The following AGPAT4 variants were observed in gnomAD, a reference collection of about 807,000 sequenced individuals.
AGPAT4 encodes the protein 1-acyl-sn-glycerol-3-phosphate acyltransferase delta.
A neutral mutation model predicts 48.0 loss-of-function variants in AGPAT4; 15 were observed. The ratio of observed to expected loss-of-function variants is 0.31; its 90% confidence interval spans 0.21 to 0.48. AGPAT4 has a LOEUF of 0.48. AGPAT4 is among the 20% of genes least tolerant of loss of function. The probability of loss-of-function intolerance (pLI) is 0.99; values close to 1 mark genes in which losing one functional copy is unlikely to be tolerated. For missense variants in AGPAT4, 314 were observed against 482.5 expected (o/e 0.65, Z 3.27); for synonymous variants, 178 against 198.7 (o/e 0.90, Z 0.88).
At chr6:161,265,298 C>T (rs1255341024) in intron 1 of AGPAT4, among the ~76,000 whole-genome samples, 39 of 57,658 alleles carry the variant, frequency 6.8e-4, no homozygotes, top group African/African-American at 3.3e-3. Flanking sequence ...TAGTACCCAC[C>T]GCTGGACTGG....
At position 161,259,546 on chromosome 6, in the gene AGPAT4, C is replaced by T. The variant is rs1783041554; in HGVS notation, c.-90+14392G>A. Among the ~76,000 whole-genome samples, 1 of 151,724 alleles carries T rather than the reference C, an allele frequency of 6.6e-6. No homozygotes were observed. Among genetic ancestry groups the T allele is most frequent in the Non-Finnish European group, 1.5e-5 (1 of 67,920 alleles). On this transcript the variant is annotated intron_variant, in intron 1 of 8. Coordinates refer to ENST00000320285, the MANE Select transcript of AGPAT4 (RefSeq NM_020133.3). The surrounding 1 kb of genome is among the most constrained non-coding windows in gnomAD (Gnocchi z 4.9). ...ACCAGCACGTGTGAAAACTCACTAA[C>T]TCTATACTCAATGCAGGAAAGGCTA...
At chr6:161,237,871 G>C (rs879439618) in intron 1 of AGPAT4, among the ~76,000 whole-genome samples, 1 of 152,092 alleles carries the variant, frequency 6.6e-6, no homozygotes, top group African/African-American at 2.4e-5. Flanking sequence ...CCACAAAAGT[G>C]AGATGCCTGC....
At chr6:161,179,535 G>T (rs576131989) in intron 2 of AGPAT4, among the ~76,000 whole-genome samples, 29 of 152,292 alleles carry the variant, frequency 1.9e-4, no homozygotes, top group Non-Finnish European at 3.7e-4. Context: ...CCCTGCACCA[G>T]CCAGTACATT....
Position 161,155,492 on chromosome 6 carries a change from T to C in AGPAT4, c.349-1182A>G, listed in dbSNP as rs774791696. Among the ~76,000 whole-genome samples, 11 of 152,140 alleles carry C rather than the reference T, an allele frequency of 7.2e-5. No homozygotes were observed. On this transcript the variant is annotated intron_variant, in intron 3 of 8. Coordinates refer to ENST00000320285, the MANE Select transcript of AGPAT4 (RefSeq NM_020133.3). This position sits in a 1 kb window ranked among gnomAD's most constrained non-coding sequence, Gnocchi z 5.8. The stretch of plus-strand genomic sequence containing the variant: ...CAGCTCCAGCTCAGCACAGGGTCAG[T>C]AAGCCGTGTCCCCCAACCTACTGGC...
chr6:161,137,602 A>G lies in AGPAT4; in HGVS notation c.1043-968T>C, dbSNP rs997396408. Among the ~76,000 whole-genome samples the G allele has an allele frequency of 1.2e-4, 19 of 152,212 alleles. No individual in the cohort carries two copies. The highest frequency in any genetic ancestry group is 2.2e-4 in the Non-Finnish European group (15 of 68,030). On this transcript the variant is annotated intron_variant, in intron 8 of 8. Transcript: ENST00000320285. This position sits in a 1 kb window ranked among gnomAD's most constrained non-coding sequence, Gnocchi z 6.1. ...AGTGGAGTTATTGTAGAGCAGAAAG[A>G]AGTGAGTAAAACGTGGACCGTGTGG...
Position 161,202,022 on chromosome 6 carries a change from C to G in AGPAT4, c.178+30014G>C, listed in dbSNP as rs1404228105. Among the ~76,000 whole-genome samples the G allele has an allele frequency of 6.6e-6, 1 of 152,222 alleles. No individual in the cohort carries two copies. The highest frequency in any genetic ancestry group is 1.9e-4 in the East Asian group (1 of 5,202). ...CATAAGTGTTCCTCCTCCAGGAAGT[C>G]TACCTGACCCGGGAACCTGGACAAG... is the stretch of plus-strand genomic sequence containing the variant. On this transcript the variant is annotated intron_variant, in intron 2 of 8. Coordinates refer to ENST00000320285, the MANE Select transcript of AGPAT4 (RefSeq NM_020133.3). The surrounding 1 kb of genome is among the most constrained non-coding windows in gnomAD (Gnocchi z 5.4).
rs1251444959 is a variant in AGPAT4 at position 161,272,729 on chromosome 6, C to CACACACACA, written c.-90+1208_-90+1209insTGTGTGTGT. On this transcript the variant is annotated intron_variant, in intron 1 of 8. Transcript: ENST00000320285. This position sits in a 1 kb window ranked among gnomAD's most constrained non-coding sequence, Gnocchi z 4.2. Reference sequence around the variant, plus strand: ...AAACACACACACACACACACACACACACAAACACACACATTCTCCCTTCTC... The same window carrying CACACACACA: ...AAACACACACACACACACACACACACACACACACAACAAACACACACATTCTCCCTTCTC... Among the ~76,000 whole-genome samples, 793 of 152,046 alleles carry CACACACACA rather than the reference C, an allele frequency of 5.2e-3. 9 individuals are homozygous for CACACACACA. The highest frequency in any genetic ancestry group is 0.019 in the African/African-American group (773 of 41,426).
Position 161,229,070 on chromosome 6 carries a change from T to C in AGPAT4, c.178+2966A>G, listed in dbSNP as rs148951765. 1.6e-4 allele frequency among the ~76,000 whole-genome samples: 24 copies of C among 152,074 alleles called. No homozygotes were observed. The East Asian group carries it at 4.5e-3, about 28-fold the overall frequency. ...TTTTGTATCAGCATGGCCTTTTGCATGAGAGCTTTACCACGCCAGGGCTGG... is the reference window on the plus strand; with the variant it reads ...TTTTGTATCAGCATGGCCTTTTGCACGAGAGCTTTACCACGCCAGGGCTGG... On this transcript the variant is annotated intron_variant, in intron 2 of 8. Coordinates refer to ENST00000320285, the MANE Select transcript of AGPAT4 (RefSeq NM_020133.3). The surrounding 1 kb of genome is among the most constrained non-coding windows in gnomAD (Gnocchi z 6.0).
In AGPAT4 at chr6:161,147,131, G is replaced by T. The variant is rs1458449808; in HGVS notation, c.768-532C>A. On this transcript the variant is annotated intron_variant, in intron 6 of 8. Coordinates refer to ENST00000320285, the MANE Select transcript of AGPAT4 (RefSeq NM_020133.3). The surrounding 1 kb of genome is among the most constrained non-coding windows in gnomAD (Gnocchi z 4.8). ...TCTGCAAAGGTTTTGACAAGTCAGT[G>T]ATGTGGATGGTGGGGAATTAAAGTT... 6.6e-6 allele frequency among the ~76,000 whole-genome samples: 1 copy of T among 152,210 alleles called. No individual in the cohort carries two copies. Among genetic ancestry groups the T allele is most frequent in the Non-Finnish European group, 1.5e-5 (1 of 68,032 alleles).
Position 161,180,131 on chromosome 6 carries a change from T to C in AGPAT4, c.179-13714A>G, listed in dbSNP as rs1396617192. ...TGCATTCTGGTCAGGATCCCAGGGA[T>C]GCCTATCCTCCCTGGAGACCCCAAC... On this transcript the variant is annotated intron_variant, in intron 2 of 8. Transcript: ENST00000320285. This position sits in a 1 kb window ranked among gnomAD's most constrained non-coding sequence, Gnocchi z 6.4. 6.6e-6 allele frequency among the ~76,000 whole-genome samples: 1 copy of C among 152,120 alleles called. No homozygotes were observed. Among genetic ancestry groups the C allele is most frequent in the Non-Finnish European group, 1.5e-5 (1 of 68,028 alleles).
In AGPAT4 at chr6:161,137,657, CA is replaced by C. The variant is rs1180684075; in HGVS notation, c.1043-1024del. On this transcript the variant is annotated intron_variant, in intron 8 of 8. Transcript: ENST00000320285. The surrounding 1 kb of genome is among the most constrained non-coding windows in gnomAD (Gnocchi z 6.1). ...GGAAGAGGAGTAAAGAACACAAACACAAAGTCCTTCAGGGAAGAATGCAGTC... is the reference window on the plus strand; with the variant it reads ...GGAAGAGGAGTAAAGAACACAAACACAAGTCCTTCAGGGAAGAATGCAGTC... 2.6e-5 allele frequency among the ~76,000 whole-genome samples: 4 copies of C among 152,178 alleles called. No homozygotes were observed. Among genetic ancestry groups the C allele is most frequent in the African/African-American group, 9.7e-5 (4 of 41,440 alleles).
chr6:161,219,884 C>T lies in AGPAT4; in HGVS notation c.178+12152G>A, dbSNP rs1032631402. Among the ~76,000 whole-genome samples, 5,034 of 121,242 alleles carry T rather than the reference C, an allele frequency of 0.042. 140 individuals carry two copies. Among genetic ancestry groups the T allele is most frequent in the Non-Finnish European group, 0.047 (2,666 of 56,248 alleles). 79.5% of individuals were successfully genotyped at this position (121,242 alleles called of 152,430 possible). On this transcript the variant is annotated intron_variant, in intron 2 of 8. Transcript: ENST00000320285. The surrounding 1 kb of genome is among the most constrained non-coding windows in gnomAD (Gnocchi z 4.9). Reference sequence around the variant, plus strand: ...ATAGATAGATAGATAGGCAGGCAGGCAGGCAGGCAGGCAGGCAGGCAGGCA... The same window carrying T: ...ATAGATAGATAGATAGGCAGGCAGGTAGGCAGGCAGGCAGGCAGGCAGGCA...
Position 161,133,591 on chromosome 6 carries a change from T to TA in AGPAT4, c.*2948dup, listed in dbSNP as rs565578196. ...ATCTTCCAAATGGTTGGTGTCTTTT[T>TA]AAGAGTCCCCGTGGGCTGGCTTTCC... On this transcript the variant is annotated 3_prime_UTR_variant, in exon 9 of 9. Transcript: ENST00000320285. 70 of 152,334 alleles carry TA rather than the reference T, an allele frequency of 4.6e-4. 1 individual carries two copies. Among genetic ancestry groups the TA allele is most frequent in the African/African-American group, 1.5e-3 (61 of 41,564 alleles). The allele number at this position is 152,334 out of a possible 1,614,324, so 9.4% of individuals were successfully genotyped here. A position where few individuals can be genotyped will look rare whatever the true frequency, so the allele number is the denominator to read the frequency against.
rs1030216948 is a variant in AGPAT4 at position 161,229,747 on chromosome 6, G to A, written c.178+2289C>T. Among the ~76,000 whole-genome samples the A allele has an allele frequency of 2.0e-5, 3 of 152,102 alleles. No homozygotes were observed. The highest frequency in any genetic ancestry group is 2.9e-5 in the Non-Finnish European group (2 of 68,018). Reference sequence around the variant, plus strand: ...GTAGCCAGGACTCCTCCTCTAGAGGGAGGAATCTTCCCTTCCCGCTTCGGA... The same window carrying A: ...GTAGCCAGGACTCCTCCTCTAGAGGAAGGAATCTTCCCTTCCCGCTTCGGA... On this transcript the variant is annotated intron_variant, in intron 2 of 8. Transcript: ENST00000320285. The surrounding 1 kb of genome is among the most constrained non-coding windows in gnomAD (Gnocchi z 6.0).
Position 161,215,543 on chromosome 6 carries a change from A to G in AGPAT4, c.178+16493T>C, listed in dbSNP as rs1035740739. On this transcript the variant is annotated intron_variant, in intron 2 of 8. Coordinates refer to ENST00000320285, the MANE Select transcript of AGPAT4 (RefSeq NM_020133.3). This position sits in a 1 kb window ranked among gnomAD's most constrained non-coding sequence, Gnocchi z 4.5. The stretch of plus-strand genomic sequence containing the variant: ...CAGGTCTGTCTCTCTGGCACACATT[A>G]CAGGCAAAACCCATATTTTAAATGT... Among the ~76,000 whole-genome samples the G allele has an allele frequency of 6.6e-6, 1 of 152,182 alleles. No homozygotes were observed. Among genetic ancestry groups the G allele is most frequent in the Non-Finnish European group, 1.5e-5 (1 of 68,026 alleles).
rs1782903249 is a variant in AGPAT4 at position 161,254,829 on chromosome 6, T to C, written c.-90+19109A>G. ...ATGGATTCAATACTAAAAGCCAGTG[T>C]GTTTGGGTTTCACATCATTGTCTTC... is the stretch of plus-strand genomic sequence containing the variant. On this transcript the variant is annotated intron_variant, in intron 1 of 8. Transcript: ENST00000320285. This position sits in a 1 kb window ranked among gnomAD's most constrained non-coding sequence, Gnocchi z 5.9. Among the ~76,000 whole-genome samples the C allele has an allele frequency of 6.6e-6, 1 of 152,180 alleles. No individual in the cohort carries two copies. The highest frequency in any genetic ancestry group is 2.1e-4 in the South Asian group (1 of 4,836).
Position 161,136,439 on chromosome 6 carries a change from G to C in AGPAT4, c.*101C>G, listed in dbSNP as rs1779068166. On this transcript the variant is annotated 3_prime_UTR_variant, in exon 9 of 9. Transcript: ENST00000320285. Reference sequence around the variant, plus strand: ...GAGGTCGTGACTTCCGCCGTGCCCAGCAGGGGCTCACCCAGCCTTTGTCAC... The same window carrying C: ...GAGGTCGTGACTTCCGCCGTGCCCACCAGGGGCTCACCCAGCCTTTGTCAC... 3 of 1,082,392 alleles carry C rather than the reference G, an allele frequency of 2.8e-6. No homozygotes were observed. The highest frequency in any genetic ancestry group is 1.9e-5 in the Admixed American group (1 of 53,006). The allele number at this position is 1,082,392 out of a possible 1,614,324, so 67.0% of individuals were successfully genotyped here. A position where few individuals can be genotyped will look rare whatever the true frequency, so the allele number is the denominator to read the frequency against.
At chr6:161,151,959 C>G (rs1257113453) in intron 5 of AGPAT4, among the ~76,000 whole-genome samples, 1 of 152,224 alleles carries the variant, frequency 6.6e-6, no homozygotes, top group Non-Finnish European at 1.5e-5. Flanking sequence ...GACATTTAGG[C>G]AGCTAGTGCC....
Position 161,184,750 on chromosome 6 carries a change from A to G in AGPAT4, c.179-18333T>C, listed in dbSNP as rs1238384162. 6.6e-6 allele frequency among the ~76,000 whole-genome samples: 1 copy of G among 152,158 alleles called. No homozygotes were observed. The highest frequency in any genetic ancestry group is 1.9e-4 in the East Asian group (1 of 5,180). ...CCATCTGGGCACTTGGCAAGACTAGAAATCTGACTACATCAAGCCTAGGAG... is the reference window on the plus strand; with the variant it reads ...CCATCTGGGCACTTGGCAAGACTAGGAATCTGACTACATCAAGCCTAGGAG... On this transcript the variant is annotated intron_variant, in intron 2 of 8. Coordinates refer to ENST00000320285, the MANE Select transcript of AGPAT4 (RefSeq NM_020133.3). The surrounding 1 kb of genome is among the most constrained non-coding windows in gnomAD (Gnocchi z 4.8).
Sources: allele counts gnomAD v4.1 joint callset (sites outside exome capture counted in the v4.1 genomes callset), GRCh38; gene constraint gnomAD v4.1.1; non-coding constraint Gnocchi (gnomAD v3.1); transcripts MANE v1.5; gene names NCBI Gene and HGNC (gene_info 2026-07-23, HGNC 2026-07-21).